Variants in LOC400499 observed in about 807,000 individuals in gnomAD.
At chr16:11,433,198 G>A in the LOC400499 span, among the ~76,000 whole-genome samples, 1 of 152,174 alleles carries the variant, frequency 6.6e-6, no homozygotes, top group East Asian at 1.9e-4. Context: ...GCCTTTTACT[G>A]AGAGTCTGCC....
chr16:11,411,525 G>A, the LOC400499 span, among the ~76,000 whole-genome samples: 2 of 152,212 alleles, frequency 1.3e-5, no homozygotes, highest in African/African-American at 2.4e-5. Flanking sequence ...CTGGACTCTG[G>A]AGCCAAGTTA....
chr16:11,386,687 T>C, the LOC400499 span, among the ~76,000 whole-genome samples: 1 of 152,096 alleles, frequency 6.6e-6, no homozygotes, highest in Non-Finnish European at 1.5e-5. Context: ...CCACACAGCA[T>C]TTCATGGTGG....
At chr16:11,445,967 G>C in the LOC400499 span, among the ~76,000 whole-genome samples, 1 of 151,240 alleles carries the variant, frequency 6.6e-6, no homozygotes. Context: ...TGGGACTGCA[G>C]GTACCTACCA....
chr16:11,424,362 C>T, the LOC400499 span: 352 of 399,604 alleles, frequency 8.8e-4, 1 homozygote, highest in Non-Finnish European at 6.1e-4. Context: ...AAGAGGCCAG[C>T]GGGCAGGAGT....
the LOC400499 span, among the ~76,000 whole-genome samples, chr16:11,458,838 C>A: frequency 2.0e-5 from 3 of 151,980 alleles, no homozygotes; most frequent in African/African-American, 7.3e-5. Flanking sequence ...AGTTCAAGAC[C>A]AGCCTGGCCA....
the LOC400499 span, chr16:11,385,211 C>A: frequency 8.1e-7 from 1 of 1,232,290 alleles, no homozygotes; most frequent in Non-Finnish European, 1.0e-6. Context: ...TCCTGCTCAC[C>A]TGCAGACTGG....
the LOC400499 span, among the ~76,000 whole-genome samples, chr16:11,389,060 C>T: frequency 1.3e-5 from 2 of 152,170 alleles, no homozygotes; most frequent in Admixed American, 6.5e-5. Context: ...GTACTCCAGC[C>T]TGGGCAACAA....
the LOC400499 span, chr16:11,446,886 C>A: frequency 2.6e-6 from 4 of 1,535,508 alleles, no homozygotes; most frequent in South Asian, 2.4e-5. Flanking sequence ...GGAGGCTCTG[C>A]GGGATGGGCA....
the LOC400499 span, among the ~76,000 whole-genome samples, chr16:11,410,906 C>G: frequency 6.6e-6 from 1 of 152,246 alleles, no homozygotes; most frequent in South Asian, 2.1e-4. Context: ...GTGACGCTGG[C>G]TCAGCTCCAA....
chr16:11,438,931 A>AT, the LOC400499 span, among the ~76,000 whole-genome samples: 4 of 151,936 alleles, frequency 2.6e-5, no homozygotes, highest in South Asian at 4.2e-4. Context: ...CCCACCTCTA[A>AT]TTTTTTTTAT....
At chr16:11,380,564 TGA>T in the LOC400499 span, among the ~76,000 whole-genome samples, 1 of 152,180 alleles carries the variant, frequency 6.6e-6, no homozygotes. Context: ...TAATTTCCTA[TGA>T]GAATTCATAA....
the LOC400499 span, among the ~76,000 whole-genome samples, chr16:11,514,775 C>G: frequency 5.9e-3 from 894 of 152,000 alleles, 40 homozygotes; most frequent in East Asian, 0.12. Flanking sequence ...ATGACAAGGA[C>G]GAGGGGAAAC....
the LOC400499 span, among the ~76,000 whole-genome samples, chr16:11,383,270 T>C: frequency 3.7e-4 from 57 of 152,230 alleles, no homozygotes; most frequent in African/African-American, 1.3e-3. Flanking sequence ...GGTTTCACCG[T>C]GTTAGCCAGG....
chr16:11,461,302 C>T, the LOC400499 span, among the ~76,000 whole-genome samples: 7 of 152,258 alleles, frequency 4.6e-5, no homozygotes, highest in Non-Finnish European at 2.9e-5. Flanking sequence ...TCACTGTAGC[C>T]TTGACCTCCC....
the LOC400499 span, among the ~76,000 whole-genome samples, chr16:11,505,091 C>T: frequency 6.6e-6 from 1 of 152,032 alleles, no homozygotes; most frequent in African/African-American, 2.4e-5. Context: ...ACACTTGAAC[C>T]CAGGGCACCA....
chr16:11,384,007 A>T, the LOC400499 span: 1 of 1,231,626 alleles, frequency 8.1e-7, no homozygotes, highest in Non-Finnish European at 1.0e-6. Context: ...GTCACCACCC[A>T]CCTGGCAGGA....
At chr16:11,452,217 T>G in the LOC400499 span, among the ~76,000 whole-genome samples, 1 of 151,542 alleles carries the variant, frequency 6.6e-6, no homozygotes, top group African/African-American at 2.4e-5. Flanking sequence ...TTTTTTTTTT[T>G]TTTTGCTTTT....
the LOC400499 span, among the ~76,000 whole-genome samples, chr16:11,501,833 G>A: frequency 6.6e-6 from 1 of 152,130 alleles, no homozygotes; most frequent in African/African-American, 2.4e-5. Flanking sequence ...TTATCCGCCA[G>A]GCCCTTCAGC....
At chr16:11,490,514 G>A in the LOC400499 span, among the ~76,000 whole-genome samples, 1 of 151,572 alleles carries the variant, frequency 6.6e-6, no homozygotes, top group East Asian at 2.0e-4. Context: ...CCTGGCTAAT[G>A]TGGTGAAACC....
Sources: gnomAD v4.1 joint callset for allele counts (sites outside exome capture counted in the v4.1 genomes callset) on GRCh38, gnomAD v4.1.1 for gene constraint, MANE v1.5 for transcripts.